The following DOCK7 variants were observed in gnomAD, a reference collection of about 807,000 sequenced individuals.
DOCK7 encodes the protein dedicator of cytokinesis protein 7.
DOCK7 carries 138 observed loss-of-function variants against 271.0 expected under a neutral mutation model. The observed-to-expected ratio is 0.51, with a 90% confidence interval of 0.44 to 0.59. DOCK7 has a LOEUF of 0.59. Among genes scored for constraint, DOCK7 ranks in the 20% least tolerant of loss-of-function variants. DOCK7 has a pLI of 0.00. For missense variants in DOCK7, 2,066 were observed against 2,592.4 expected, an observed-to-expected ratio of 0.80 and a Z score of 4.41; for synonymous variants, 823 against 876.1, an observed-to-expected ratio of 0.94 and a Z score of 1.07.
intron 16 of DOCK7, among the ~76,000 whole-genome samples, chr1:62,581,509 T>A (rs1647120550): frequency 1.3e-5 from 2 of 152,070 alleles, no homozygotes; most frequent in South Asian, 4.2e-4. Flanking sequence ...GGCATCCAAA[T>A]GAGTATGTCC....
intron 39 of DOCK7, chr1:62,494,858 T>A (rs1050721419): frequency 6.4e-6 from 1 of 156,532 alleles, no homozygotes; most frequent in Non-Finnish European, 1.4e-5. Context: ...TAAATTGTTT[T>A]ATTTGTGCTT....
rs1656250139 is a variant in DOCK7 at position 62,643,212 on chromosome 1, T to C, written c.818+4479A>G. On this transcript the variant is annotated intron_variant, in intron 7 of 49. Coordinates refer to ENST00000635253, the MANE Select transcript of DOCK7 (RefSeq NM_001367561.1). ...AACTACCAGACATGCACAACTCCTT[T>C]ATAGATCATCCAGTCCCAACCAAAT... Among the ~76,000 whole-genome samples the C allele has an allele frequency of 4.6e-5, 7 of 152,192 alleles. No individual in the cohort carries two copies. In the South Asian group the frequency reaches 1.4e-3, roughly 31 times the overall value.
chr1:62,494,206 C>T, intron 40 of DOCK7, 69 bp downstream of exon 40: 2 of 1,359,958 alleles, frequency 1.5e-6, no homozygotes, highest in Admixed American at 2.7e-5. Context: ...AAAATCTAAA[C>T]ACCAGTGAGA....
chr1:62,649,005 A>T (rs556742349), intron 4 of DOCK7, among the ~76,000 whole-genome samples: 1 of 152,156 alleles, frequency 6.6e-6, no homozygotes, highest in Non-Finnish European at 1.5e-5. Flanking sequence ...TCTATAAAAG[A>T]TCTTAACCTA....
At chr1:62,504,259 A>ATATTTGTCTTTTTGTCTTTTATTAT (rs1646877640) in intron 37 of DOCK7, among the ~76,000 whole-genome samples, 1 of 152,220 alleles carries the variant, frequency 6.6e-6, no homozygotes, top group Non-Finnish European at 1.5e-5. Flanking sequence ...ATAACATATA[A>ATATTTGTCTTTTTGTCTTTTATTAT]TAAAAGACAA....
rs765909897 is a variant in DOCK7, at chr1:62,648,331, A to G, written c.520-13T>C. 1.9e-6 allele frequency: 3 copies of G among 1,541,008 alleles called. No individual in the cohort carries two copies. Among genetic ancestry groups the G allele is most frequent in the Middle Eastern group, 1.8e-4 (1 of 5,682 alleles). On this transcript the variant is annotated splice_polypyrimidine_tract_variant and intron_variant, in intron 5 of 49. Coordinates refer to ENST00000635253, the MANE Select transcript of DOCK7 (RefSeq NM_001367561.1). ...TTTTAAGGTCATCCTGTCATGCAAAACATTAAATATAAATATATTAATTAA... is the reference window on the plus strand; with the variant it reads ...TTTTAAGGTCATCCTGTCATGCAAAGCATTAAATATAAATATATTAATTAA...
At chr1:62,612,509 C>A (rs1651919714) in intron 14 of DOCK7, among the ~76,000 whole-genome samples, 2 of 151,956 alleles carry the variant, frequency 1.3e-5, no homozygotes, top group South Asian at 4.2e-4. Flanking sequence ...CAAATCTGCA[C>A]ATTCTGCACT....
chr1:62,528,892 A>G (rs1420831430), intron 30 of DOCK7, among the ~76,000 whole-genome samples: 1 of 152,214 alleles, frequency 6.6e-6, no homozygotes, highest in African/African-American at 2.4e-5. Context: ...AATAAACACA[A>G]TTCCTGATAT....
intron 29 of DOCK7, chr1:62,530,861 GA>G: frequency 6.5e-6 from 1 of 152,826 alleles, no homozygotes; most frequent in Non-Finnish European, 1.5e-5. Context: ...GCCCCCAAAA[GA>G]AGGTCAAATA....
Position 62,552,770 on chromosome 1 carries a change from A to G in DOCK7, c.2728T>C (p.Ser910Pro), listed in dbSNP as rs1201006581. Residue 910 changes from serine to proline, a missense_variant, in exon 22 of 50, where the codon TCA becomes CCA. By Grantham distance (74) the Ser-to-Pro change is moderately conservative. Coordinates refer to ENST00000635253, the MANE Select transcript of DOCK7 (RefSeq NM_001367561.1). ...SNPDISGTPT[S>P]PDDEVRSIIG... ...ATTGATCGAACTTCATCATCTGGTG[A>G]CGTGGGAGTCCCAGATATATCTGGA... The G allele has an allele frequency of 6.2e-7, 1 of 1,613,668 alleles. No individual in the cohort carries two copies. Among genetic ancestry groups the G allele is most frequent in the Non-Finnish European group, 8.5e-7 (1 of 1,179,782 alleles).
chr1:62,607,415 C>T (rs1651158674), intron 14 of DOCK7, among the ~76,000 whole-genome samples: 1 of 152,144 alleles, frequency 6.6e-6, no homozygotes, highest in Non-Finnish European at 1.5e-5. Context: ...CATAAGCCAC[C>T]AAGTTCAATA....
intron 22 of DOCK7, among the ~76,000 whole-genome samples, chr1:62,549,615 C>T (rs889689660): frequency 4.6e-5 from 7 of 151,990 alleles, no homozygotes; most frequent in African/African-American, 1.4e-4. Flanking sequence ...GTGGGGTATC[C>T]ATCACCCCAA....
chr1:62,487,638 A>G (rs1462369757), intron 42 of DOCK7: 2 of 432,880 alleles, frequency 4.6e-6, no homozygotes, highest in Non-Finnish European at 8.4e-6. Flanking sequence ...TGAAAGTACA[A>G]ATTTTAGGGA....
intron 1 of DOCK7, among the ~76,000 whole-genome samples, chr1:62,676,986 T>C (rs1660607154): frequency 6.6e-6 from 1 of 152,216 alleles, no homozygotes; most frequent in Non-Finnish European, 1.5e-5. Context: ...TTGAATGTCT[T>C]TGCATTTCAC....
chr1:62,524,071 C>CTTGTTT (rs1364359313), intron 31 of DOCK7, among the ~76,000 whole-genome samples: 2 of 152,044 alleles, frequency 1.3e-5, no homozygotes, highest in Non-Finnish European at 2.9e-5. Flanking sequence ...AAGCAAAGAA[C>CTTGTTT]TCTAGACACT....
At chr1:62,686,036 G>C (rs1438415459) in intron 1 of DOCK7, among the ~76,000 whole-genome samples, 1 of 152,118 alleles carries the variant, frequency 6.6e-6, no homozygotes, top group African/African-American at 2.4e-5. Context: ...TCCACTAATA[G>C]ACATACAATT....
intron 34 of DOCK7, among the ~76,000 whole-genome samples, 162 bp downstream of exon 34, chr1:62,510,415 T>C (rs1644449247): frequency 6.6e-6 from 1 of 152,170 alleles, no homozygotes; most frequent in South Asian, 2.1e-4. Context: ...CCAAATCTTT[T>C]TAAATCTAAA....
intron 36 of DOCK7, 147 bp downstream of exon 36, chr1:62,505,535 G>T: frequency 1.2e-6 from 1 of 836,774 alleles, no homozygotes; most frequent in Non-Finnish European, 1.7e-6. Flanking sequence ...GAAGAATTAA[G>T]GGTCTTAGGT....
intron 2 of DOCK7, among the ~76,000 whole-genome samples, chr1:62,655,513 G>A (rs1411727513): frequency 2.0e-5 from 3 of 149,450 alleles, no homozygotes; most frequent in Non-Finnish European, 4.4e-5. Context: ...CAACCTTTGC[G>A]TCCTGGGCTC....
Sources: allele counts gnomAD v4.1 joint callset (sites outside exome capture counted in the v4.1 genomes callset), GRCh38; gene constraint gnomAD v4.1.1; transcripts MANE v1.5; gene names NCBI Gene and HGNC (gene_info 2026-07-23, HGNC 2026-07-21).